The following HPD variants were observed in gnomAD, a reference collection of about 807,000 sequenced individuals.
HPD encodes the protein 4-hydroxyphenylpyruvic acid oxidase.
A neutral mutation model predicts 56.9 loss-of-function variants in HPD; 35 were observed. The ratio of observed to expected loss-of-function variants is 0.62; its 90% CI spans 0.47 to 0.82. The LOEUF is 0.82. HPD is among the 40% of genes least tolerant of loss of function. HPD has a pLI of 0.00. For synonymous variants in HPD, 186 were observed against 200.2 expected, an observed-to-expected ratio of 0.93 and a Z score of 0.60; for missense variants, 442 against 506.8, an observed-to-expected ratio of 0.87 and a Z score of 1.23.
intron 7 of HPD, among the ~76,000 whole-genome samples, chr12:121,852,095 C>A (rs550547204): frequency 1.3e-4 from 20 of 152,272 alleles, no homozygotes; most frequent in Admixed American, 9.2e-4. Flanking sequence ...TAACAGCTCA[C>A]TGCAGCCTCT....
Position 121,856,400 on chromosome 12 carries a change from C to T in HPD, c.248G>A (p.Gly83Asp). 1 of 1,614,070 alleles carries T rather than the reference C, an allele frequency of 6.2e-7. No homozygotes were observed. The highest frequency in any genetic ancestry group is 8.5e-7 in the Non-Finnish European group (1 of 1,179,932). ...SALNPWNKEM[G>D]DHLVKHGDGV... ...GTCACCGTGTTTCACCAGGTGATCG[C>T]CCATCTCTGTGGCCGGCAGGGAGAG... Residue 83 changes from glycine (G) to aspartate (D), a missense_variant, in exon 6 of 14, where the codon GGC (glycine) becomes GAC (aspartate). By Grantham distance (94) the Gly-to-Asp change is moderately conservative (BLOSUM62 -1). Transcript: ENST00000289004.
Position 121,857,204 on chromosome 12 carries a change from T to C in HPD, c.198+124A>G. ...AAGCGATGTGCCTGCCTCAGCCTCC[T>C]GAGTAGCTGGGATTACAGGTGCCCA... On this transcript the variant is annotated intron_variant, in intron 4 of 13. Coordinates refer to ENST00000289004, the MANE Select transcript of HPD (RefSeq NM_002150.3). The C allele has an allele frequency of 4.2e-6, 3 of 710,386 alleles. No individual in the cohort carries two copies. In the South Asian group the frequency reaches 4.5e-5, roughly 11 times the overall value. 44.0% of individuals were successfully genotyped at this position (710,386 alleles called of 1,614,324 possible).
the HPD span, among the ~76,000 whole-genome samples, chr12:121,869,748 C>T: frequency 6.6e-6 from 1 of 152,116 alleles, no homozygotes; most frequent in Non-Finnish European, 1.5e-5. Context: ...TGGTCTCAAA[C>T]TCCTGACCTC....
chr12:121,860,901 G>A (rs11043220), upstream of HPD, among the ~76,000 whole-genome samples: 37,598 of 151,856 alleles, frequency 0.25, 5,980 homozygotes, highest in Middle Eastern at 0.38. Context: ...GTGAGAACTT[G>A]TATCAAAAAT....
intron 8 of HPD, 22 bp from the exon 9 acceptor site, chr12:121,849,098 GGT>G: frequency 6.5e-7 from 1 of 1,547,962 alleles, no homozygotes. Context: ...AGAAGATGGG[GGT>G]GAGAAGGTGG....
chr12:121,841,419 A>C (rs1190601596), intron 12 of HPD, among the ~76,000 whole-genome samples: 2 of 152,166 alleles, frequency 1.3e-5, no homozygotes, highest in African/African-American at 4.8e-5. Context: ...AGCTACTCCT[A>C]GATATATTCC....
At position 121,856,324 on chromosome 12, in the gene HPD, C is replaced by G. The variant is rs1877993232; in HGVS notation, c.324G>C (p.Gln108His). The G allele has an allele frequency of 2.5e-6, 4 of 1,613,438 alleles. No homozygotes were observed. In the African/African-American group the frequency reaches 4.0e-5, roughly 16 times the overall value. ...FEVEDCDYIV[Q>H]KARERGAKIM... ...TCAGTCCACCCAGGTGCTTTCTTAC[C>G]TGCACGATGTAGTCACAATCTTCCA... The change falls in exon 6 of 14, where the codon CAG becomes CAC. Residue 108 changes from glutamine to histidine, a missense_variant and splice_region_variant. Transcript: ENST00000289004.
chr12:121,864,579 C>A (rs191714790), upstream of HPD, among the ~76,000 whole-genome samples: 1 of 140,962 alleles, frequency 7.1e-6, no homozygotes, highest in Non-Finnish European at 1.5e-5. Context: ...AATGGCCGGG[C>A]GCAGTGGCTC....
intron 12 of HPD, among the ~76,000 whole-genome samples, chr12:121,842,681 T>C (rs1278253295): frequency 6.6e-6 from 1 of 150,912 alleles, no homozygotes; most frequent in Non-Finnish European, 1.5e-5. Flanking sequence ...CCACCTGCCT[T>C]GGCCTCCCAA....
chr12:121,839,678 A>C lies in HPD; in HGVS notation c.*50T>G. 1 of 1,343,820 alleles carries C rather than the reference A, an allele frequency of 7.4e-7. No individual in the cohort carries two copies. Among genetic ancestry groups the C allele is most frequent in the Non-Finnish European group, 1.1e-6 (1 of 934,208 alleles). 83.2% of individuals were successfully genotyped at this position (1,343,820 alleles called of 1,614,324 possible). Reference sequence around the variant, plus strand: ...AGTAGGGAAGTTGGGCGAGTTCCAGAATCAGGGGGCGTGGCTGTGTGGCTG... The same window carrying C: ...AGTAGGGAAGTTGGGCGAGTTCCAGCATCAGGGGGCGTGGCTGTGTGGCTG... On this transcript the variant is annotated 3_prime_UTR_variant, in exon 14 of 14. Transcript: ENST00000289004.
At chr12:121,871,885 G>A in the HPD span, among the ~76,000 whole-genome samples, 7 of 151,884 alleles carry the variant, frequency 4.6e-5, no homozygotes, top group East Asian at 1.9e-4. Flanking sequence ...TCCTGGCACC[G>A]GGGCATTGAG....
chr12:121,867,266 C>A (rs766478323), upstream of HPD, among the ~76,000 whole-genome samples: 3 of 151,138 alleles, frequency 2.0e-5, no homozygotes, highest in Non-Finnish European at 4.4e-5. Flanking sequence ...GCATGAGAAT[C>A]GCTGGAACCC....
At chr12:121,844,655 G>C (rs903555996) in intron 11 of HPD, among the ~76,000 whole-genome samples, 21 of 151,812 alleles carry the variant, frequency 1.4e-4, no homozygotes, top group Non-Finnish European at 2.2e-4. Flanking sequence ...AGGCCAAGAT[G>C]GGTGATCACG....
At chr12:121,880,353 A>C in the HPD span, among the ~76,000 whole-genome samples, 1 of 151,708 alleles carries the variant, frequency 6.6e-6, no homozygotes, top group Admixed American at 6.6e-5. Context: ...CCACCATCAC[A>C]CCCAGATAAT....
intron 6 of HPD, 76 bp from the exon 7 acceptor site, chr12:121,854,868 T>C (rs1877938299): frequency 1.7e-6 from 2 of 1,185,810 alleles, no homozygotes; most frequent in Non-Finnish European, 2.5e-6. Context: ...TCCTGCCTGG[T>C]GGCCTCTGCG....
upstream of HPD, among the ~76,000 whole-genome samples, chr12:121,864,540 G>T (rs1293167738): frequency 1.4e-5 from 2 of 139,452 alleles, no homozygotes; most frequent in Non-Finnish European, 1.5e-5. Flanking sequence ...GCAACAGAGG[G>T]AGGCCCTGAC....
chr12:121,879,769 T>A, the HPD span, among the ~76,000 whole-genome samples: 918 of 152,328 alleles, frequency 6.0e-3, 16 homozygotes, highest in African/African-American at 0.021. Flanking sequence ...CTAATTTTTT[T>A]ACATATACTT....
In HPD at chr12:121,857,640, C is replaced by A. The variant is rs556471653; in HGVS notation, c.93+117G>T. ...TTAGGATTCAGAGTATCTGGCCCAC[C>A]CCTGGCCTGATCCTCCCTCCCAAGG... On this transcript the variant is annotated intron_variant, in intron 3 of 13. Transcript: ENST00000289004. 1.8e-5 allele frequency: 17 copies of A among 955,786 alleles called. No individual in the cohort carries two copies. The African/African-American group carries it at 2.6e-4, about 15-fold the overall frequency. 59.2% of individuals were successfully genotyped at this position (955,786 alleles called of 1,614,324 possible).
At chr12:121,869,430 C>T in the HPD span, among the ~76,000 whole-genome samples, 1 of 151,280 alleles carries the variant, frequency 6.6e-6, no homozygotes, top group African/African-American at 2.4e-5. Flanking sequence ...CTCCTGGGCT[C>T]AGGGGGTCCT....
Sources: allele counts gnomAD v4.1 joint callset (sites outside exome capture counted in the v4.1 genomes callset), GRCh38; gene constraint gnomAD v4.1.1; transcripts MANE v1.5; gene names NCBI Gene and HGNC (gene_info 2026-07-23, HGNC 2026-07-21).